Variants in RBMS3 observed in about 807,000 individuals in gnomAD.
RBMS3 encodes the protein RNA binding motif single stranded interacting protein 3.
In RBMS3, 27 loss-of-function variants were observed where a neutral mutation model predicts 66.8. The observed-to-expected ratio is 0.40, with a 90% CI of 0.30 to 0.56. RBMS3 has a LOEUF of 0.56. RBMS3 is among the 20% of genes least tolerant of loss of function. The pLI, the probability that RBMS3 is intolerant of heterozygous loss-of-function variation, is 0.40. For missense variants in RBMS3, 513 were observed against 549.5 expected (o/e 0.93, Z 0.66); for synonymous variants, 188 against 183.0 (o/e 1.03, Z -0.22).
intron 4 of RBMS3, among the ~76,000 whole-genome samples, chr3:29,731,911 CATCTTTCCCTCT>C (rs2054154386): frequency 6.6e-6 from 1 of 151,676 alleles, no homozygotes; most frequent in Non-Finnish European, 1.5e-5. Flanking sequence ...TCTATCCCTC[CATCTTTCCCTCT>C]GTCTCCCATT....
chr3:29,427,753 C>G (rs1479435377), intron 1 of RBMS3, among the ~76,000 whole-genome samples: 2 of 151,934 alleles, frequency 1.3e-5, no homozygotes, highest in African/African-American at 4.8e-5. Flanking sequence ...CTGGGGAGAC[C>G]ATCAGCAGAA....
intron 12 of RBMS3, among the ~76,000 whole-genome samples, chr3:29,985,816 A>G (rs1197526374): frequency 6.6e-6 from 1 of 152,036 alleles, no homozygotes; most frequent in Non-Finnish European, 1.5e-5. Flanking sequence ...ACTACCCCCA[A>G]TGCTTATTAA....
chr3:29,323,723 CACA>C (rs1559487806), intron 1 of RBMS3, among the ~76,000 whole-genome samples: 17 of 147,466 alleles, frequency 1.2e-4, no homozygotes, highest in South Asian at 8.7e-4. Context: ...CACACACACA[CACA>C]CCCCTTGGAC....
At chr3:29,973,874 A>G (rs1483924260) in intron 12 of RBMS3, among the ~76,000 whole-genome samples, 1 of 151,750 alleles carries the variant, frequency 6.6e-6, no homozygotes, top group African/African-American at 2.4e-5. Context: ...TTTTCTGTTT[A>G]TTGTTGCCCC....
chr3:29,672,305 A>G lies in RBMS3; in HGVS notation c.400-67415A>G, dbSNP rs2051039173. 4.6e-5 allele frequency among the ~76,000 whole-genome samples: 7 copies of G among 152,348 alleles called. No homozygotes were observed. The South Asian group carries it at 1.2e-3, about 27-fold the overall frequency. ...AAGGAAGCAGTAAACATGGAAAGGA[A>G]TAACCGGTACCAGCCACTGCAAAAA... On this transcript the variant is annotated intron_variant, in intron 4 of 14. Coordinates refer to ENST00000383767, the MANE Select transcript of RBMS3 (RefSeq NM_001003793.3).
At chr3:29,824,374 G>T (rs2058151830) in intron 6 of RBMS3, among the ~76,000 whole-genome samples, 1 of 152,046 alleles carries the variant, frequency 6.6e-6, no homozygotes, top group Non-Finnish European at 1.5e-5. Flanking sequence ...GGACTTCCTA[G>T]CCTCAATAAC....
At chr3:29,380,312 A>ATG (rs996099987) in intron 1 of RBMS3, among the ~76,000 whole-genome samples, 26 of 152,220 alleles carry the variant, frequency 1.7e-4, no homozygotes, top group East Asian at 1.2e-3. Context: ...TTTTTATAAC[A>ATG]TTAGCTTATT....
intron 4 of RBMS3, chr3:29,641,230 C>T (rs1478945695): frequency 6.6e-6 from 1 of 151,716 alleles, no homozygotes; most frequent in African/African-American, 2.4e-5. Flanking sequence ...AATCATTTTC[C>T]CTGTTACTAA....
chr3:29,982,505 G>T (rs568616736), intron 12 of RBMS3, among the ~76,000 whole-genome samples: 2 of 151,982 alleles, frequency 1.3e-5, no homozygotes, highest in Non-Finnish European at 2.9e-5. Flanking sequence ...CAATTGTGAC[G>T]TTAGGGTGTC....
chr3:29,615,073 C>T (rs1435676796), intron 4 of RBMS3: 3 of 152,424 alleles, frequency 2.0e-5, no homozygotes, highest in Non-Finnish European at 2.9e-5. Flanking sequence ...GATTTGTGTT[C>T]AGTGACAGCA....
chr3:29,674,790 G>A (rs950726554), intron 4 of RBMS3, among the ~76,000 whole-genome samples: 2 of 149,152 alleles, frequency 1.3e-5, no homozygotes, highest in African/African-American at 4.9e-5. Context: ...CATGCTCATG[G>A]ATAGGAAGAA....
At chr3:29,920,627 T>G (rs2060747137) in intron 10 of RBMS3, among the ~76,000 whole-genome samples, 1 of 152,148 alleles carries the variant, frequency 6.6e-6, no homozygotes, top group South Asian at 2.1e-4. Flanking sequence ...CTTTGACAAC[T>G]AATTTCCTGA....
intron 4 of RBMS3, among the ~76,000 whole-genome samples, chr3:29,639,057 T>C (rs549478419): frequency 6.6e-6 from 1 of 151,972 alleles, no homozygotes; most frequent in Admixed American, 6.6e-5. Context: ...AATTATTTAC[T>C]CTGGTTTACT....
chr3:29,993,775 A>T lies in RBMS3; in HGVS notation c.1307+2566A>T, dbSNP rs937471294. On this transcript the variant is annotated intron_variant, in intron 14 of 14. Coordinates refer to ENST00000383767, the MANE Select transcript of RBMS3 (RefSeq NM_001003793.3). Reference sequence around the variant, plus strand: ...ATTTACATCAACTCTTTCAGTTCTCAGACTTTCAGACTCAAACTAGAATTA... The same window carrying T: ...ATTTACATCAACTCTTTCAGTTCTCTGACTTTCAGACTCAAACTAGAATTA... 3.3e-5 allele frequency among the ~76,000 whole-genome samples: 5 copies of T among 152,228 alleles called. No homozygotes were observed. The East Asian group carries it at 9.6e-4, about 29-fold the overall frequency.
intron 12 of RBMS3, among the ~76,000 whole-genome samples, chr3:29,981,481 T>A (rs192581468): frequency 6.6e-6 from 1 of 152,288 alleles, no homozygotes; most frequent in Non-Finnish European, 1.5e-5. Context: ...ATAGGAGTGG[T>A]GAGAGAGGGC....
chr3:29,626,154 A>G (rs184397328), intron 4 of RBMS3, among the ~76,000 whole-genome samples: 1 of 152,330 alleles, frequency 6.6e-6, no homozygotes, highest in Admixed American at 6.5e-5. Context: ...ATCATGTAGT[A>G]AAATGTAAAA....
intron 10 of RBMS3, among the ~76,000 whole-genome samples, chr3:29,923,997 A>C (rs906725403): frequency 2.0e-5 from 3 of 152,244 alleles, no homozygotes; most frequent in African/African-American, 7.2e-5. Context: ...ATTCACATAC[A>C]GTTTTATTTC....
chr3:29,575,637 A>G (rs754506491), intron 3 of RBMS3, among the ~76,000 whole-genome samples: 6 of 152,010 alleles, frequency 3.9e-5, no homozygotes, highest in Non-Finnish European at 7.4e-5. Flanking sequence ...AATAACTCTT[A>G]TATTTGCCCT....
chr3:29,592,236 C>A (rs1180722295), intron 4 of RBMS3, among the ~76,000 whole-genome samples: 1 of 151,638 alleles, frequency 6.6e-6, no homozygotes, highest in Non-Finnish European at 1.5e-5. Context: ...AAATATATCA[C>A]CACAGTGAAG....
Sources: allele counts gnomAD v4.1 joint callset (sites outside exome capture counted in the v4.1 genomes callset), GRCh38; gene constraint gnomAD v4.1.1; transcripts MANE v1.5; gene names NCBI Gene and HGNC (gene_info 2026-07-23, HGNC 2026-07-21).